CYGB: variants seen among roughly 807,000 people sequenced by gnomAD.
CYGB encodes the protein histoglobin.
Under a neutral mutation model 20.7 loss-of-function variants are expected in CYGB, and 13 were observed. The observed-to-expected ratio is 0.63, with a 90% CI of 0.41 to 1.00. The LOEUF (loss-of-function observed/expected upper bound fraction) is 1.00, where lower values mean the gene tolerates loss of function less well. Ranked by LOEUF, CYGB falls within the 50% of genes least tolerant of loss-of-function variation. The pLI is 0.00. For synonymous variants in CYGB, 93 were observed against 107.4 expected, an observed-to-expected ratio of 0.87 and a Z score of 0.83; for missense variants, 218 against 257.2, an observed-to-expected ratio of 0.85 and a Z score of 1.04.
intron 1 of CYGB, chr17:76,543,038 T>C: frequency 2.1e-6 from 1 of 473,516 alleles, no homozygotes; most frequent in South Asian, 1.5e-5. Context: ...GCTCAGGTCC[T>C]GGTTCGTCCC....
intron 1 of CYGB, chr17:76,543,144 G>A (rs747916435): frequency 6.4e-6 from 3 of 467,924 alleles, no homozygotes; most frequent in South Asian, 1.6e-5. Flanking sequence ...CTCTCAGCCC[G>A]GGACCTGCCA....
In CYGB at chr17:76,531,236, C is replaced by T; in HGVS notation, c.376-94G>A. 7.2e-7 allele frequency: 1 copy of T among 1,388,020 alleles called. No homozygotes were observed. The highest frequency in any genetic ancestry group is 1.4e-5 in the African/African-American group (1 of 69,546). 86.0% of individuals were successfully genotyped at this position (1,388,020 alleles called of 1,614,324 possible). A position where few individuals can be genotyped will look rare whatever the true frequency, so the allele number is the denominator to read the frequency against. The stretch of plus-strand genomic sequence containing the variant: ...CCGCCCCACGTGTGGCCGAGAGGAT[C>T]ATTCCTAACGCAACAGTCTGGCAGC... On this transcript the variant is annotated intron_variant, in intron 2 of 3. Coordinates refer to ENST00000293230, the MANE Select transcript of CYGB (RefSeq NM_134268.5). The surrounding 1 kb of genome is among the most constrained non-coding windows in gnomAD (Gnocchi z 7.4).
intron 1 of CYGB, chr17:76,547,501 C>T (rs559712252): frequency 6.6e-6 from 1 of 152,404 alleles, no homozygotes; most frequent in African/African-American, 2.4e-5. Flanking sequence ...CACAGACCCT[C>T]TCTGTGTGAC....
upstream of CYGB, chr17:76,540,525 G>T (rs374419323): frequency 1.3e-5 from 21 of 1,613,568 alleles, no homozygotes; most frequent in African/African-American, 2.5e-4. The surrounding 1 kb of genome is among the most constrained non-coding windows in gnomAD (Gnocchi z 5.0). Context: ...GACGTGGATG[G>T]GGCAGCTAGG....
chr17:76,541,946 CTTG>C (rs1228231106), upstream of CYGB, among the ~76,000 whole-genome samples: 8 of 152,180 alleles, frequency 5.3e-5, no homozygotes, highest in Non-Finnish European at 8.8e-5. Context: ...TAGCAGCTGT[CTTG>C]TTTCATGCTC....
At chr17:76,536,871 C>T (rs904718396) in intron 1 of CYGB, among the ~76,000 whole-genome samples, 1 of 152,208 alleles carries the variant, frequency 6.6e-6, no homozygotes, top group Non-Finnish European at 1.5e-5. Flanking sequence ...AAGGGGGCAG[C>T]TGGGAACACT....
In CYGB at chr17:76,529,906, C is replaced by T. The variant is rs369037125; in HGVS notation, c.539+1073G>A. The T allele has an allele frequency of 2.4e-5, 24 of 984,850 alleles. No individual in the cohort carries two copies. In the South Asian group the frequency reaches 6.6e-4, roughly 27 times the overall value. The allele number at this position is 984,850 out of a possible 1,614,324, so 61.0% of individuals were successfully genotyped here. On this transcript the variant is annotated intron_variant, in intron 3 of 3. Transcript: ENST00000293230. ...CTCCACTCTCTTGGGGTGGTGCTGA[C>T]GGGAGAGGGGGGAGGGGAGCAGGAG...
At chr17:76,529,533 T>C (rs2067046474) in intron 3 of CYGB, 1 of 985,448 alleles carries the variant, frequency 1.0e-6, no homozygotes, top group Non-Finnish European at 1.2e-6. Context: ...GCCAGCTCTC[T>C]TTCCAGTCTC....
intron 1 of CYGB, chr17:76,545,293 G>A (rs964710074): frequency 2.2e-5 from 10 of 456,622 alleles, no homozygotes; most frequent in African/African-American, 2.0e-4. Context: ...TGGCCCACTG[G>A]CTCCCATCAC....
upstream of CYGB, chr17:76,540,604 G>T: frequency 6.2e-7 from 1 of 1,607,434 alleles, no homozygotes. The surrounding 1 kb of genome is among the most constrained non-coding windows in gnomAD (Gnocchi z 5.0). Context: ...GGGGGAGGGA[G>T]GGTGCTGCCA....
chr17:76,545,511 G>A (rs2075045965), intron 1 of CYGB: 2 of 389,718 alleles, frequency 5.1e-6, no homozygotes, highest in Middle Eastern at 8.6e-4. Context: ...GCCAAAGGGT[G>A]GGGTCCCTTC....
chr17:76,528,679 G>T lies in CYGB; in HGVS notation c.540-68C>A. On this transcript the variant is annotated intron_variant, in intron 3 of 3. Transcript: ENST00000293230. The surrounding 1 kb of genome is among the most constrained non-coding windows in gnomAD (Gnocchi z 5.8). ...CAGGGAAGGACCCTCGGGGGAAAGGGGGAGGACCTGGGGCTGGCGAGGCTC... is the reference window on the plus strand; with the variant it reads ...CAGGGAAGGACCCTCGGGGGAAAGGTGGAGGACCTGGGGCTGGCGAGGCTC... The T allele has an allele frequency of 2.4e-6, 3 of 1,229,050 alleles. No homozygotes were observed. The highest frequency in any genetic ancestry group is 3.1e-6 in the Non-Finnish European group (3 of 969,234). The allele number at this position is 1,229,050 out of a possible 1,614,324, so 76.1% of individuals were successfully genotyped here.
chr17:76,540,255 G>GGT (rs2074973185), upstream of CYGB: 1 of 1,095,176 alleles, frequency 9.1e-7, no homozygotes. The surrounding 1 kb of genome is among the most constrained non-coding windows in gnomAD (Gnocchi z 5.0). Flanking sequence ...GTTGGTCGGG[G>GGT]GGGGGGGGCA....
rs779170393 is a variant in CYGB, at chr17:76,528,620, G to A, written c.540-9C>T. 3.2e-5 allele frequency: 41 copies of A among 1,274,332 alleles called. No homozygotes were observed. The highest frequency in any genetic ancestry group is 1.2e-4 in the Admixed American group (3 of 25,836). 78.9% of individuals were successfully genotyped at this position (1,274,332 alleles called of 1,614,324 possible). A position where few individuals can be genotyped will look rare whatever the true frequency, so the allele number is the denominator to read the frequency against. The stretch of plus-strand genomic sequence containing the variant: ...GCAGTGTGGCCGGTGGGCTGTGGAC[G>A]AGATAGGAAGGGAAGGACAAACGTT... On this transcript the variant is annotated splice_polypyrimidine_tract_variant and intron_variant, in intron 3 of 3. Transcript: ENST00000293230. This position sits in a 1 kb window ranked among gnomAD's most constrained non-coding sequence, Gnocchi z 5.8.
upstream of CYGB, chr17:76,540,435 G>A (rs1598211555): frequency 6.5e-7 from 1 of 1,545,066 alleles, no homozygotes; most frequent in African/African-American, 1.4e-5. The surrounding 1 kb of genome is among the most constrained non-coding windows in gnomAD (Gnocchi z 5.0). Flanking sequence ...AATGCGGCCT[G>A]GACCTGTGGA....
At chr17:76,534,526 T>G (rs1196806032) in intron 1 of CYGB, among the ~76,000 whole-genome samples, 2 of 152,196 alleles carry the variant, frequency 1.3e-5, no homozygotes, top group African/African-American at 2.4e-5. Flanking sequence ...ACCTCTATTT[T>G]ACTGATGAGG....
chr17:76,547,720 CAT>C (rs1165132875), intron 1 of CYGB, among the ~76,000 whole-genome samples: 4 of 150,526 alleles, frequency 2.7e-5, no homozygotes, highest in African/African-American at 9.8e-5. Context: ...CACAGAGACA[CAT>C]ACATTCACAC....
In CYGB at chr17:76,528,294, C is replaced by G. The variant is rs2074790602; in HGVS notation, c.*284G>C. The stretch of plus-strand genomic sequence containing the variant: ...AGGGACTCCTAGACCTGTCCCGCTT[C>G]CTGCCAGCCGCTCAGCTAGGTCTCT... On this transcript the variant is annotated 3_prime_UTR_variant, in exon 4 of 4. Coordinates refer to ENST00000293230, the MANE Select transcript of CYGB (RefSeq NM_134268.5). The surrounding 1 kb of genome is among the most constrained non-coding windows in gnomAD (Gnocchi z 5.8). 2.5e-6 allele frequency: 1 copy of G among 400,314 alleles called. No individual in the cohort carries two copies. Among genetic ancestry groups the G allele is most frequent in the Admixed American group, 4.4e-5 (1 of 22,750 alleles). 24.8% of individuals were successfully genotyped at this position (400,314 alleles called of 1,614,324 possible).
At position 76,528,212 on chromosome 17, in the gene CYGB, G is replaced by C. The variant is rs1215262617; in HGVS notation, c.*366C>G. 4 of 398,162 alleles carry C rather than the reference G, an allele frequency of 1.0e-5. No homozygotes were observed. Among genetic ancestry groups the C allele is most frequent in the African/African-American group, 8.2e-5 (4 of 48,578 alleles). The allele number at this position is 398,162 out of a possible 1,614,324, so 24.7% of individuals were successfully genotyped here. A position where few individuals can be genotyped will look rare whatever the true frequency, so the allele number is the denominator to read the frequency against. ...ATGTGTGCGTGATACTCTAGATGGT[G>C]ATGTGGAGACCTGCATGCTGGCCGG... On this transcript the variant is annotated 3_prime_UTR_variant, in exon 4 of 4. Coordinates refer to ENST00000293230, the MANE Select transcript of CYGB (RefSeq NM_134268.5). This position sits in a 1 kb window ranked among gnomAD's most constrained non-coding sequence, Gnocchi z 5.8.
Sources: allele counts gnomAD v4.1 joint callset (sites outside exome capture counted in the v4.1 genomes callset), GRCh38; gene constraint gnomAD v4.1.1; non-coding constraint Gnocchi (gnomAD v3.1); transcripts MANE v1.5; gene names NCBI Gene and HGNC (gene_info 2026-07-23, HGNC 2026-07-21).